SYT3: variants seen among roughly 807,000 people sequenced by gnomAD.
SYT3 encodes synaptotagmin-3.
SYT3 carries 25 observed loss-of-function variants against 50.6 expected under a neutral mutation model. The ratio of observed to expected loss-of-function variants is 0.49; its 90% CI spans 0.36 to 0.69. The LOEUF (loss-of-function observed/expected upper bound fraction) is 0.69. Ranked by LOEUF, SYT3 falls within the 30% of genes least tolerant of loss-of-function variation. The probability of loss-of-function intolerance (pLI) is 0.00; values close to 1 mark genes in which losing one functional copy is unlikely to be tolerated. For synonymous variants in SYT3, 323 were observed against 353.9 expected (o/e 0.91, Z 0.98); for missense variants, 589 against 793.6 (o/e 0.74, Z 3.10).
chr19:50,650,069 C>A, the SYT3 span, among the ~76,000 whole-genome samples: 2 of 152,152 alleles, frequency 1.3e-5, no homozygotes, highest in Admixed American at 1.3e-4. Flanking sequence ...CCTCCCTGGT[C>A]CCCAGTTTCT....
chr19:50,630,082 A>AAGGGC lies in SYT3; in HGVS notation c.759_763dup (p.Leu255CysfsTer66). Reference sequence around the variant, plus strand: ...TTTTTCCTCGCCTCCAGGCAGGGGTAAGGGCAGGGCAGGTGGCCGCTCCTC... The same window carrying AAGGGC: ...TTTTTCCTCGCCTCCAGGCAGGGGTAAGGGCAGGGCAGGGCAGGTGGCCGCTCCTC... On this transcript the variant is annotated frameshift_variant, in exon 5 of 11. Coordinates refer to ENST00000600079, the MANE Select transcript of SYT3 (RefSeq NM_001160329.2). LOFTEE classifies it high-confidence loss of function. 1 of 1,613,586 alleles carries AAGGGC rather than the reference A, an allele frequency of 6.2e-7. No individual in the cohort carries two copies. Among genetic ancestry groups the AAGGGC allele is most frequent in the East Asian group, 2.2e-5 (1 of 44,856 alleles).
chr19:50,639,329 C>G lies in SYT3; in HGVS notation c.-153-167G>C, dbSNP rs1984594592. The G allele has an allele frequency of 6.6e-6, 1 of 152,144 alleles. No homozygotes were observed. The highest frequency in any genetic ancestry group is 2.1e-4 in the South Asian group (1 of 4,826). The allele number at this position is 152,144 out of a possible 1,614,324, so 9.4% of individuals were successfully genotyped here. ...TACAATTCCCGGCAGGTCTCGCGCT[C>G]GCGCTGCTGCGGCTTCATAGACCCG... is the stretch of plus-strand genomic sequence containing the variant. On this transcript the variant is annotated intron_variant, in intron 1 of 10. Transcript: ENST00000600079. This position sits in a 1 kb window ranked among gnomAD's most constrained non-coding sequence, Gnocchi z 4.6.
chr19:50,628,646 GAA>G (rs1014090363), intron 6 of SYT3, among the ~76,000 whole-genome samples: 30 of 152,054 alleles, frequency 2.0e-4, no homozygotes, highest in African/African-American at 7.3e-4. Context: ...CCAGTCATTG[GAA>G]AGTCAGGAAG....
At chr19:50,647,081 C>T in the SYT3 span, among the ~76,000 whole-genome samples, 3 of 152,072 alleles carry the variant, frequency 2.0e-5, no homozygotes, top group Non-Finnish European at 2.9e-5. Flanking sequence ...CCGCCCGTCT[C>T]GGCCTCCCAA....
chr19:50,652,709 C>T, the SYT3 span, among the ~76,000 whole-genome samples: 1 of 152,074 alleles, frequency 6.6e-6, no homozygotes, highest in Non-Finnish European at 1.5e-5. Flanking sequence ...TTTATTCATC[C>T]CACAGACAAT....
intron 6 of SYT3, among the ~76,000 whole-genome samples, chr19:50,628,480 A>G (rs960334822): frequency 6.6e-6 from 1 of 152,156 alleles, no homozygotes; most frequent in African/African-American, 2.4e-5. Flanking sequence ...GGATCAAGCT[A>G]TCAGCATTCG....
At chr19:50,636,086 C>T (rs1984487057) in intron 3 of SYT3, among the ~76,000 whole-genome samples, 1 of 152,054 alleles carries the variant, frequency 6.6e-6, no homozygotes, top group African/African-American at 2.4e-5. Context: ...AACCCTGTCT[C>T]TACTGAAAAT....
In SYT3 at chr19:50,639,503, G is replaced by C. The variant is rs1324237253; in HGVS notation, c.-154+287C>G. 6.6e-6 allele frequency among the ~76,000 whole-genome samples: 1 copy of C among 151,726 alleles called. No homozygotes were observed. Among genetic ancestry groups the C allele is most frequent in the African/African-American group, 2.4e-5 (1 of 41,280 alleles). On this transcript the variant is annotated intron_variant, in intron 1 of 10. Transcript: ENST00000600079. The surrounding 1 kb of genome is among the most constrained non-coding windows in gnomAD (Gnocchi z 4.6). Reference sequence around the variant, plus strand: ...GGAGGGGAACGATGTCCGGGACTTCGAAAAGCCACGGAGCCCTAAGTCCTT... The same window carrying C: ...GGAGGGGAACGATGTCCGGGACTTCCAAAAGCCACGGAGCCCTAAGTCCTT...
At chr19:50,631,370 G>A (rs548301791) in intron 4 of SYT3, among the ~76,000 whole-genome samples, 1 of 151,980 alleles carries the variant, frequency 6.6e-6, no homozygotes, top group East Asian at 1.9e-4. Flanking sequence ...CACCATATTG[G>A]CCAGGCTGGT....
At chr19:50,628,472 A>T (rs1219844466) in intron 6 of SYT3, among the ~76,000 whole-genome samples, 1 of 152,060 alleles carries the variant, frequency 6.6e-6, no homozygotes, top group African/African-American at 2.4e-5. Flanking sequence ...GGCCTGGGGG[A>T]TCAAGCTATC....
At chr19:50,653,682 G>GCACACACACA in the SYT3 span, among the ~76,000 whole-genome samples, 83 of 121,924 alleles carry the variant, frequency 6.8e-4, 1 homozygote, top group East Asian at 1.1e-3. Flanking sequence ...ATGAGAGACA[G>GCACACACACA]CACACACACA....
At chr19:50,653,459 G>A in the SYT3 span, among the ~76,000 whole-genome samples, 11 of 151,950 alleles carry the variant, frequency 7.2e-5, no homozygotes, top group Admixed American at 4.6e-4. Context: ...GAGGGAGGCC[G>A]GTATGACTGG....
At chr19:50,655,114 G>T in the SYT3 span, among the ~76,000 whole-genome samples, 1 of 152,312 alleles carries the variant, frequency 6.6e-6, no homozygotes, top group Non-Finnish European at 1.5e-5. Context: ...TGAGAGCATG[G>T]TCACATGGCC....
intron 6 of SYT3, 92 bp from the exon 7 acceptor site, chr19:50,626,109 CCCTGACAT>C: frequency 6.7e-7 from 1 of 1,493,820 alleles, no homozygotes; most frequent in Non-Finnish European, 9.0e-7. Flanking sequence ...CTGCTTTACA[CCCTGACAT>C]CCAGGGCTCA....
chr19:50,634,096 C>T (rs923832343), intron 3 of SYT3, among the ~76,000 whole-genome samples: 2 of 152,222 alleles, frequency 1.3e-5, no homozygotes, highest in Non-Finnish European at 2.9e-5. Context: ...TGCAGAGAAA[C>T]CCAAGTACAG....
intron 6 of SYT3, among the ~76,000 whole-genome samples, chr19:50,628,481 T>C (rs552640820): frequency 6.6e-6 from 1 of 152,042 alleles, no homozygotes; most frequent in African/African-American, 2.4e-5. Flanking sequence ...GATCAAGCTA[T>C]CAGCATTCGG....
Position 50,629,914 on chromosome 19 carries a change from T to C in SYT3, c.932A>G (p.Tyr311Cys), listed in dbSNP as rs1294108334. 3.1e-6 allele frequency: 5 copies of C among 1,613,844 alleles called. No individual in the cohort carries two copies. The highest frequency in any genetic ancestry group is 4.5e-5 in the East Asian group (2 of 44,856). ...CCTCACCACCAGCTGGTCCGAGCCA[T>C]AGAGGTACCGCAGGGCGAAGCTGAT... ...GRISFALRYL[Y>C]GSDQLVVRIL... is the part of the protein sequence containing the mutation. The change falls in exon 5 of 11, where the codon TAT becomes TGT. Residue 311 changes from tyrosine to cysteine, a missense_variant. Tyr to Cys is a radical substitution (Grantham distance 194). Coordinates refer to ENST00000600079, the MANE Select transcript of SYT3 (RefSeq NM_001160329.2).
In SYT3 at chr19:50,632,968, A is replaced by G. The variant is rs947523785; in HGVS notation, c.149-157T>C. 6.6e-6 allele frequency among the ~76,000 whole-genome samples: 1 copy of G among 152,160 alleles called. No homozygotes were observed. Among genetic ancestry groups the G allele is most frequent in the Admixed American group, 6.5e-5 (1 of 15,276 alleles). On this transcript the variant is annotated intron_variant, in intron 3 of 10. Coordinates refer to ENST00000600079, the MANE Select transcript of SYT3 (RefSeq NM_001160329.2). The surrounding 1 kb of genome is among the most constrained non-coding windows in gnomAD (Gnocchi z 4.7). ...ACATGTATTACTTAATTTATGTTCT[A>G]CAACTCTACAAGGTTAAGTATTGTA...
chr19:50,656,234 A>G, the SYT3 span: 1 of 1,536,098 alleles, frequency 6.5e-7, no homozygotes, highest in Non-Finnish European at 8.7e-7. Context: ...AGAAAGCAGT[A>G]CCTGCGGCAG....
Sources: gnomAD v4.1 joint callset for allele counts (sites outside exome capture counted in the v4.1 genomes callset) on GRCh38, gnomAD v4.1.1 for gene constraint, Gnocchi (gnomAD v3.1) non-coding constraint, MANE v1.5 for transcripts, NCBI Gene and HGNC (gene_info 2026-07-23, HGNC 2026-07-21) for gene names.